The following PTPRG variants were observed in gnomAD, a reference collection of about 807,000 sequenced individuals.
PTPRG encodes the protein protein tyrosine phosphatase receptor type G.
PTPRG carries 102 observed loss-of-function variants against 165.3 expected under a neutral mutation model. That is an observed-to-expected ratio of 0.62 (90% confidence interval 0.53 to 0.73). The LOEUF (loss-of-function observed/expected upper bound fraction) is 0.73, where lower values mean the gene tolerates loss of function less well. PTPRG is among the 30% of genes least tolerant of loss of function. PTPRG has a pLI of 0.00. For synonymous variants in PTPRG, 675 were observed against 669.5 expected, an observed-to-expected ratio of 1.01 and a Z score of -0.13; for missense variants, 1,866 against 1,861.4, an observed-to-expected ratio of 1.00 and a Z score of -0.05.
At chr3:61,699,040 G>A (rs1047469537) in intron 1 of PTPRG, among the ~76,000 whole-genome samples, 1 of 151,946 alleles carries the variant, frequency 6.6e-6, no homozygotes, top group African/African-American at 2.4e-5. Flanking sequence ...GGAGCGGGGA[G>A]GGATAGCATT....
intron 2 of PTPRG, among the ~76,000 whole-genome samples, chr3:61,842,593 T>A (rs1275684852): frequency 2.0e-5 from 3 of 151,648 alleles, no homozygotes; most frequent in Non-Finnish European, 2.9e-5. Context: ...TAACAGAGAT[T>A]TCTACTGCTA....
intron 14 of PTPRG, 69 bp from the exon 15 acceptor site, chr3:62,243,738 G>C: frequency 1.0e-6 from 1 of 978,978 alleles, no homozygotes; most frequent in Non-Finnish European, 1.6e-6. Context: ...TATAAAATAA[G>C]AATTAAAAGA....
intron 2 of PTPRG, among the ~76,000 whole-genome samples, chr3:61,798,217 A>T (rs2035115709): frequency 6.6e-6 from 1 of 152,232 alleles, no homozygotes; most frequent in African/African-American, 2.4e-5. Context: ...TGATATAGGA[A>T]ATAAACACTT....
At chr3:61,670,123 A>C (rs924914964) in intron 1 of PTPRG, among the ~76,000 whole-genome samples, 6 of 152,110 alleles carry the variant, frequency 3.9e-5, no homozygotes, top group Admixed American at 3.3e-4. Context: ...GAAAAGCCCA[A>C]CTCTGGGTGT....
chr3:61,579,503 G>A (rs1213539541), intron 1 of PTPRG, among the ~76,000 whole-genome samples: 2 of 152,198 alleles, frequency 1.3e-5, no homozygotes, highest in Non-Finnish European at 2.9e-5. Context: ...CATCTTAGGG[G>A]CTGGACACAC....
intron 4 of PTPRG, among the ~76,000 whole-genome samples, chr3:62,024,883 C>T (rs1026486094): frequency 2.6e-5 from 4 of 152,192 alleles, no homozygotes; most frequent in African/African-American, 9.7e-5. Context: ...TTTTCCAATT[C>T]ATCAGTATCA....
intron 1 of PTPRG, among the ~76,000 whole-genome samples, chr3:61,564,621 G>A (rs1699861633): frequency 6.6e-6 from 1 of 152,232 alleles, no homozygotes; most frequent in Non-Finnish European, 1.5e-5. Context: ...GCCCGAGAGG[G>A]AGCAGCAGGC....
At chr3:62,163,748 T>C (rs1487220045) in intron 7 of PTPRG, among the ~76,000 whole-genome samples, 1 of 152,222 alleles carries the variant, frequency 6.6e-6, no homozygotes, top group African/African-American at 2.4e-5. Context: ...AAATATTTTA[T>C]ATATCACAAC....
rs182141943 is a variant in PTPRG, at chr3:62,243,438, T to A, written c.2376-369T>A. On this transcript the variant is annotated intron_variant, in intron 14 of 29. Transcript: ENST00000474889. ...GTGGTTTTGAACTTGGTGCTGGGGA[T>A]TTAGAATAGCAAATTATTCCTCTGT... The A allele has an allele frequency of 2.6e-3, 416 of 158,072 alleles. 2 individuals are homozygous for A. Among genetic ancestry groups the A allele is most frequent in the African/African-American group, 9.5e-3 (396 of 41,716 alleles). 9.8% of individuals were successfully genotyped at this position (158,072 alleles called of 1,614,324 possible). A position where few individuals can be genotyped will look rare whatever the true frequency, so the allele number is the denominator to read the frequency against.
At chr3:62,055,369 A>T (rs1700599836) in intron 4 of PTPRG, among the ~76,000 whole-genome samples, 1 of 152,214 alleles carries the variant, frequency 6.6e-6, no homozygotes, top group Non-Finnish European at 1.5e-5. Context: ...TGGGCATGCT[A>T]ATGAGAGAAC....
At chr3:61,844,675 CCT>C (rs200290631) in intron 2 of PTPRG, among the ~76,000 whole-genome samples, 628 of 147,838 alleles carry the variant, frequency 4.2e-3, no homozygotes, top group African/African-American at 0.015. Context: ...TTTTTTTCCC[CCT>C]GTTTGGTAGA....
chr3:62,273,787 T>A lies in PTPRG; in HGVS notation c.3408T>A (p.Val1136=). 3 of 1,613,878 alleles carry A rather than the reference T, an allele frequency of 1.9e-6. No homozygotes were observed. Among genetic ancestry groups the A allele is most frequent in the Non-Finnish European group, 2.5e-6 (3 of 1,179,812 alleles). ...EVSSNQLHSY[V]NSILIPGVGG... is the part of the protein sequence containing the mutation. ...CTTCAAATCAGCTGCACAGCTATGTTAACAGCATCCTTATACCAGGAGTAG... is the reference window on the plus strand; with the variant it reads ...CTTCAAATCAGCTGCACAGCTATGTAAACAGCATCCTTATACCAGGAGTAG... The change falls in exon 23 of 30, where the codon GTT becomes GTA. Residue 1136 remains valine (V), a synonymous_variant. Transcript: ENST00000474889. This position sits in a 1 kb window ranked among gnomAD's most constrained non-coding sequence, Gnocchi z 4.1.
intron 1 of PTPRG, among the ~76,000 whole-genome samples, chr3:61,708,417 C>G (rs2031372127): frequency 6.7e-6 from 1 of 150,356 alleles, no homozygotes; most frequent in Non-Finnish European, 1.5e-5. Context: ...TTATATCTTC[C>G]CTAATGAACT....
At chr3:61,933,300 G>T (rs1286815187) in intron 2 of PTPRG, among the ~76,000 whole-genome samples, 1 of 152,160 alleles carries the variant, frequency 6.6e-6, no homozygotes, top group Non-Finnish European at 1.5e-5. Flanking sequence ...TAAGAGTGCT[G>T]ATCTGTGATG....
chr3:61,579,668 T>C (rs1700239174), intron 1 of PTPRG, among the ~76,000 whole-genome samples: 1 of 152,270 alleles, frequency 6.6e-6, no homozygotes, highest in Admixed American at 6.5e-5. Context: ...GTGGTGTTTC[T>C]GTTCATACAT....
intron 1 of PTPRG, among the ~76,000 whole-genome samples, chr3:61,719,717 TG>T (rs2031969126): frequency 1.3e-5 from 2 of 152,206 alleles, no homozygotes; most frequent in Middle Eastern, 3.2e-3. Context: ...AGGCCATGTG[TG>T]GTTGGGGTTT....
At chr3:61,898,094 C>T (rs1045090171) in intron 2 of PTPRG, among the ~76,000 whole-genome samples, 4 of 152,120 alleles carry the variant, frequency 2.6e-5, no homozygotes, top group East Asian at 1.9e-4. Context: ...GTGTTGAATA[C>T]GAGTAGTGAG....
At chr3:62,088,544 A>T (rs1360725802) in intron 5 of PTPRG, among the ~76,000 whole-genome samples, 1 of 152,228 alleles carries the variant, frequency 6.6e-6, no homozygotes, top group Non-Finnish European at 1.5e-5. Context: ...CTATTCCTAC[A>T]TATCCTAGGT....
chr3:61,990,335 G>A (rs2040854283), intron 3 of PTPRG, among the ~76,000 whole-genome samples: 1 of 152,086 alleles, frequency 6.6e-6, no homozygotes, highest in African/African-American at 2.4e-5. Flanking sequence ...AATGGAAACA[G>A]AATTCTTATC....
Sources: gnomAD v4.1 joint callset for allele counts (sites outside exome capture counted in the v4.1 genomes callset) on GRCh38, gnomAD v4.1.1 for gene constraint, Gnocchi (gnomAD v3.1) non-coding constraint, MANE v1.5 for transcripts, NCBI Gene and HGNC (gene_info 2026-07-23, HGNC 2026-07-21) for gene names.